Variants in ALX1 observed in about 807,000 individuals in gnomAD.
ALX1 encodes ALX homeobox protein 1.
In ALX1, 19 loss-of-function variants were observed where a neutral mutation model predicts 31.7. That is an observed-to-expected ratio of 0.60 (90% CI 0.42 to 0.88). The LOEUF is 0.88. Ranked by LOEUF, ALX1 falls within the 40% of genes least tolerant of loss-of-function variation. The probability of loss-of-function intolerance (pLI) is 0.00; values close to 1 mark genes in which losing one functional copy is unlikely to be tolerated. For missense variants in ALX1, 415 were observed against 407.8 expected, an observed-to-expected ratio of 1.02 and a Z score of -0.15; for synonymous variants, 153 against 148.8, an observed-to-expected ratio of 1.03 and a Z score of -0.20.
chr12:85,294,195 A>C (rs1593051935), intron 3 of ALX1, among the ~76,000 whole-genome samples: 1 of 151,298 alleles, frequency 6.6e-6, no homozygotes, highest in Non-Finnish European at 1.5e-5. Flanking sequence ...TATGCATAAA[A>C]GCTTAATTTA....
chr12:85,294,730 A>G (rs927627290), intron 3 of ALX1, among the ~76,000 whole-genome samples: 1 of 151,082 alleles, frequency 6.6e-6, no homozygotes. Flanking sequence ...TTTTCTGCTA[A>G]GCAGTTTTCC....
intron 3 of ALX1, among the ~76,000 whole-genome samples, chr12:85,287,452 T>A (rs1051633479): frequency 2.0e-5 from 3 of 147,644 alleles, no homozygotes; most frequent in Admixed American, 2.0e-4. Context: ...TCTTTTTCTA[T>A]GTTTTTTTTT....
At chr12:85,287,120 TCTG>T in intron 3 of ALX1, 139 bp downstream of exon 3, 1 of 983,568 alleles carries the variant, frequency 1.0e-6, no homozygotes, top group Non-Finnish European at 1.5e-6. Flanking sequence ...ATTCTTCATG[TCTG>T]CTAAGTTTTA....
intron 3 of ALX1, among the ~76,000 whole-genome samples, chr12:85,291,047 A>T (rs986142421): frequency 2.0e-5 from 3 of 151,264 alleles, no homozygotes; most frequent in Non-Finnish European, 3.0e-5. Context: ...ATATTAATAT[A>T]TTAAGTAGTG....
intron 3 of ALX1, among the ~76,000 whole-genome samples, chr12:85,294,655 C>T (rs754246293): frequency 4.0e-5 from 6 of 151,074 alleles, no homozygotes; most frequent in Non-Finnish European, 5.9e-5. Context: ...AATTTACAGA[C>T]ATTAAAATTT....
chr12:85,299,687 G>A (rs1286456843), intron 3 of ALX1, among the ~76,000 whole-genome samples: 1 of 151,730 alleles, frequency 6.6e-6, no homozygotes, highest in East Asian at 1.9e-4. Flanking sequence ...TGGTTAATCA[G>A]TCCTTTCTTG....
At position 85,285,717 on chromosome 12, in the gene ALX1, C is replaced by T. The variant is rs187558663; in HGVS notation, c.532-1136C>T. On this transcript the variant is annotated intron_variant, in intron 2 of 3. Transcript: ENST00000316824. ...ATTTCAAGTAAACTTCAACAAAAGGCTTTTACAACTTGCATTTTTTATATT... is the reference window on the plus strand; with the variant it reads ...ATTTCAAGTAAACTTCAACAAAAGGTTTTTACAACTTGCATTTTTTATATT... Among the ~76,000 whole-genome samples, 645 of 151,946 alleles carry T rather than the reference C, an allele frequency of 4.2e-3. 1 individual carries two copies. Among genetic ancestry groups the T allele is most frequent in the Middle Eastern group, 6.8e-3 (2 of 292 alleles).
In ALX1 at chr12:85,300,447, A is replaced by G. The variant is rs180925946; in HGVS notation, c.661-708A>G. ...CATCTTTCTCAGCTATGATTCCATTATTTGGTAAAGGCCCATGTTTTAAAA... is the reference window on the plus strand; with the variant it reads ...CATCTTTCTCAGCTATGATTCCATTGTTTGGTAAAGGCCCATGTTTTAAAA... On this transcript the variant is annotated intron_variant, in intron 3 of 3. Coordinates refer to ENST00000316824, the MANE Select transcript of ALX1 (RefSeq NM_006982.3). 3.4e-4 allele frequency among the ~76,000 whole-genome samples: 51 copies of G among 152,176 alleles called. No homozygotes were observed. In the East Asian group the frequency reaches 5.6e-3, roughly 17 times the overall value.
rs1896649838 is a variant in ALX1, at chr12:85,280,277, G to A, written c.16G>A (p.Glu6Lys). MEFLS[E>K]KFALKSPPSK... ...TTCCAGGATTATGGAGTTTCTGAGC[G>A]AGAAGTTTGCCCTCAAGAGCCCTCC... Residue 6 changes from glutamate to lysine, a missense_variant, in exon 1 of 4, where the codon GAG (glutamate) becomes AAG (lysine). Around this residue, in one of 3 missense-constraint regions of ALX1, gnomAD observed 235 missense variants for 208.9 expected, o/e 1.13. Transcript: ENST00000316824. 6.2e-7 allele frequency: 1 copy of A among 1,613,394 alleles called. No homozygotes were observed. Among genetic ancestry groups the A allele is most frequent in the Non-Finnish European group, 8.5e-7 (1 of 1,180,010 alleles).
chr12:85,289,242 G>C (rs1896786554), intron 3 of ALX1, among the ~76,000 whole-genome samples: 1 of 151,136 alleles, frequency 6.6e-6, no homozygotes, highest in Non-Finnish European at 1.5e-5. Context: ...ATTCAGAATA[G>C]TGCATATTCT....
intron 3 of ALX1, among the ~76,000 whole-genome samples, chr12:85,289,430 C>G (rs182779300): frequency 6.6e-6 from 1 of 151,198 alleles, no homozygotes; most frequent in East Asian, 1.9e-4. Context: ...GAGGAACGGA[C>G]ATGGTACACC....
chr12:85,292,537 G>T (rs186923340), intron 3 of ALX1, among the ~76,000 whole-genome samples: 1 of 151,008 alleles, frequency 6.6e-6, no homozygotes, highest in African/African-American at 2.4e-5. Flanking sequence ...ATTTGAACAC[G>T]CCAAGAGGTA....
intron 1 of ALX1, among the ~76,000 whole-genome samples, chr12:85,281,087 T>TC (rs970138820): frequency 2.0e-5 from 3 of 152,210 alleles, no homozygotes; most frequent in African/African-American, 7.2e-5. Flanking sequence ...TTCTGCTTTT[T>TC]TTTGCGTTTG....
intron 2 of ALX1, among the ~76,000 whole-genome samples, chr12:85,284,779 C>A (rs972130175): frequency 6.6e-6 from 1 of 152,006 alleles, no homozygotes; most frequent in South Asian, 2.1e-4. Context: ...AGGATAATGG[C>A]CTTGGTCTTT....
At chr12:85,281,442 G>A (rs879533010) in intron 1 of ALX1, among the ~76,000 whole-genome samples, 1 of 152,154 alleles carries the variant, frequency 6.6e-6, no homozygotes, top group Non-Finnish European at 1.5e-5. Context: ...TAAGCTATAA[G>A]GGGCGGGTTG....
intron 3 of ALX1, among the ~76,000 whole-genome samples, chr12:85,299,055 T>C (rs573112129): frequency 1.7e-4 from 26 of 149,136 alleles, no homozygotes; most frequent in Non-Finnish European, 3.1e-4. Flanking sequence ...TAATAAAAAA[T>C]TCAAGAAACT....
intron 3 of ALX1, among the ~76,000 whole-genome samples, chr12:85,289,473 A>T (rs891869294): frequency 6.6e-6 from 1 of 151,246 alleles, no homozygotes; most frequent in Non-Finnish European, 1.5e-5. Flanking sequence ...TTTCACTCCA[A>T]TGAAAAATTA....
chr12:85,282,857 AAT>A (rs1896695229), intron 1 of ALX1, among the ~76,000 whole-genome samples: 1 of 152,218 alleles, frequency 6.6e-6, no homozygotes, highest in East Asian at 1.9e-4. Context: ...GCTAAGCAGA[AAT>A]ATGAAATGTT....
intron 3 of ALX1, 131 bp from the exon 4 acceptor site, chr12:85,301,024 T>G: frequency 2.3e-6 from 2 of 881,570 alleles, no homozygotes; most frequent in Non-Finnish European, 1.8e-6. Context: ...CATTGTTGTA[T>G]GTAATTACAG....
Sources: gnomAD v4.1 joint callset for allele counts (sites outside exome capture counted in the v4.1 genomes callset) on GRCh38, gnomAD v4.1.1 for gene constraint, gnomAD v4.1.1 regional missense constraint, MANE v1.5 for transcripts, NCBI Gene and HGNC (gene_info 2026-07-23, HGNC 2026-07-21) for gene names.